Variants in CDH13 observed in about 807,000 individuals in gnomAD.
CDH13 encodes cadherin-13.
Under a neutral mutation model 63.8 loss-of-function variants are expected in CDH13, and 24 were observed. The observed-to-expected ratio is 0.38, with a 90% CI of 0.27 to 0.53. CDH13 has a LOEUF of 0.53. CDH13 is among the 20% of genes least tolerant of loss of function. The pLI, the probability that CDH13 is intolerant of heterozygous loss-of-function variation, is 0.85. For synonymous variants in CDH13, 503 were observed against 355.3 expected (o/e 1.42, Z -4.67); for missense variants, 1,049 against 903.1 (o/e 1.16, Z -2.07).
chr16:82,970,361 C>G lies in CDH13; in HGVS notation c.158-61649C>G, dbSNP rs375794580. The stretch of plus-strand genomic sequence containing the variant: ...CATTTGGGTTGGTTTCAAGTCTTTG[C>G]TATTGTGAACAGTGCATATTCTTTT... On this transcript the variant is annotated intron_variant, in intron 2 of 13. Coordinates refer to ENST00000567109, the MANE Select transcript of CDH13 (RefSeq NM_001257.5). Among the ~76,000 whole-genome samples, 450 of 137,714 alleles carry G rather than the reference C, an allele frequency of 3.3e-3. 3 individuals carry two copies. In the Middle Eastern group the frequency reaches 0.039, roughly 12 times the overall value. 90.3% of individuals were successfully genotyped at this position (137,714 alleles called of 152,430 possible). A position where few individuals can be genotyped will look rare whatever the true frequency, so the allele number is the denominator to read the frequency against.
intron 3 of CDH13, among the ~76,000 whole-genome samples, chr16:83,041,932 AGCCAGTAAG>A (rs1917362956): frequency 1.3e-5 from 2 of 152,350 alleles, no homozygotes; most frequent in South Asian, 4.1e-4. Flanking sequence ...TAAGTGAAGT[AGCCAGTAAG>A]TTGCTATCAC....
intron 7 of CDH13, among the ~76,000 whole-genome samples, chr16:83,497,647 A>G (rs893116836): frequency 6.6e-6 from 1 of 151,768 alleles, no homozygotes; most frequent in Non-Finnish European, 1.5e-5. Context: ...TGTACCCTAA[A>G]ACTTTAATAA....
intron 5 of CDH13, among the ~76,000 whole-genome samples, chr16:83,227,776 C>A (rs1178522313): frequency 6.6e-6 from 1 of 152,160 alleles, no homozygotes; most frequent in East Asian, 1.9e-4. Flanking sequence ...CCACGCCAGG[C>A]AGTGCAGACT....
chr16:83,091,122 A>G (rs2033885420), intron 3 of CDH13, among the ~76,000 whole-genome samples: 1 of 152,224 alleles, frequency 6.6e-6, no homozygotes, highest in Admixed American at 6.5e-5. Flanking sequence ...TTGTAAACAT[A>G]AAACATTTCT....
intron 10 of CDH13, among the ~76,000 whole-genome samples, chr16:83,704,999 A>ATAAG (rs1318160347): frequency 6.6e-6 from 1 of 152,266 alleles, no homozygotes; most frequent in Non-Finnish European, 1.5e-5. Flanking sequence ...ACATCCAAGA[A>ATAAG]TAAGTTATCT....
intron 4 of CDH13, among the ~76,000 whole-genome samples, chr16:83,161,035 G>A (rs1190279405): frequency 6.6e-6 from 1 of 151,820 alleles, no homozygotes; most frequent in African/African-American, 2.4e-5. Flanking sequence ...CATTCTTATT[G>A]CATCTAGACT....
rs187681963 is a variant in CDH13 at position 83,751,706 on chromosome 16, A to G, written c.1681+3456A>G. Among the ~76,000 whole-genome samples the G allele has an allele frequency of 3.7e-4, 56 of 152,366 alleles. 1 individual carries two copies. Among genetic ancestry groups the G allele is most frequent in the Admixed American group, 3.3e-3 (51 of 15,310 alleles). ...CATAACATAAACGGACCAGAGGGGA[A>G]GAACCTAGATAACATCTGAAAGGAA... On this transcript the variant is annotated intron_variant, in intron 11 of 13. Coordinates refer to ENST00000567109, the MANE Select transcript of CDH13 (RefSeq NM_001257.5).
intron 6 of CDH13, among the ~76,000 whole-genome samples, chr16:83,362,233 G>A (rs992649164): frequency 4.6e-5 from 7 of 152,212 alleles, no homozygotes; most frequent in South Asian, 2.1e-4. Context: ...AAATTTCCAC[G>A]CACATCCACA....
chr16:83,516,039 C>T lies in CDH13; in HGVS notation c.960+29384C>T, dbSNP rs544019342. On this transcript the variant is annotated intron_variant, in intron 7 of 13. Coordinates refer to ENST00000567109, the MANE Select transcript of CDH13 (RefSeq NM_001257.5). ...GAAAATCAATTCAAACATTGTTCCTCGTGATTTATTCAAAAATTCGCTTTT... is the reference window on the plus strand; with the variant it reads ...GAAAATCAATTCAAACATTGTTCCTTGTGATTTATTCAAAAATTCGCTTTT... Among the ~76,000 whole-genome samples, 15 of 152,220 alleles carry T rather than the reference C, an allele frequency of 9.9e-5. 1 individual carries two copies. Among genetic ancestry groups the T allele is most frequent in the African/African-American group, 3.4e-4 (14 of 41,540 alleles).
At chr16:82,951,229 G>C (rs750073749) in intron 2 of CDH13, among the ~76,000 whole-genome samples, 3 of 152,080 alleles carry the variant, frequency 2.0e-5, no homozygotes, top group African/African-American at 7.2e-5. Flanking sequence ...CTGGCAAGAG[G>C]ATATCTCCTT....
At chr16:83,183,516 T>C (rs1219307578) in intron 4 of CDH13, among the ~76,000 whole-genome samples, 1 of 152,218 alleles carries the variant, frequency 6.6e-6, no homozygotes, top group African/African-American at 2.4e-5. Flanking sequence ...TCCCATAATA[T>C]CACCATAGCC....
chr16:83,334,451 A>T (rs913394943), intron 5 of CDH13, among the ~76,000 whole-genome samples: 2 of 150,392 alleles, frequency 1.3e-5, no homozygotes, highest in African/African-American at 2.5e-5. Flanking sequence ...AGCTCCCTGC[A>T]GCTTCAACCT....
At chr16:82,973,157 A>C (rs1909011794) in intron 2 of CDH13, among the ~76,000 whole-genome samples, 1 of 152,004 alleles carries the variant, frequency 6.6e-6, no homozygotes, top group Admixed American at 6.5e-5. Flanking sequence ...TCTTTCCCCA[A>C]CTTGGGGTTT....
At chr16:83,009,002 A>T (rs530944316) in intron 2 of CDH13, among the ~76,000 whole-genome samples, 1 of 152,150 alleles carries the variant, frequency 6.6e-6, no homozygotes, top group East Asian at 1.9e-4. Context: ...AAACCATCAG[A>T]TCTCGTGAGA....
At chr16:82,669,988 A>C (rs1597273438) in intron 1 of CDH13, among the ~76,000 whole-genome samples, 1 of 152,200 alleles carries the variant, frequency 6.6e-6, no homozygotes, top group African/African-American at 2.4e-5. Flanking sequence ...AGAAACCATT[A>C]TGCAGTTTTT....
intron 1 of CDH13, among the ~76,000 whole-genome samples, chr16:82,639,139 C>A (rs749458773): frequency 6.6e-6 from 1 of 151,984 alleles, no homozygotes; most frequent in Admixed American, 6.6e-5. Context: ...GCCTTTCCCA[C>A]TCCCCTCATT....
At chr16:83,605,377 G>A (rs8055119) in intron 8 of CDH13, among the ~76,000 whole-genome samples, 20,165 of 152,174 alleles carry the variant, frequency 0.13, 2,786 homozygotes, top group African/African-American at 0.35. Flanking sequence ...CTTTGTTGAA[G>A]GGGATTCATA....
intron 6 of CDH13, among the ~76,000 whole-genome samples, chr16:83,439,176 T>C (rs34587318): frequency 0.17 from 26,319 of 152,180 alleles, 2,642 homozygotes; most frequent in Non-Finnish European, 0.24. Flanking sequence ...AATACCTATA[T>C]TCTAATGTTT....
chr16:83,371,875 G>T (rs2091373605), intron 6 of CDH13, among the ~76,000 whole-genome samples: 1 of 152,118 alleles, frequency 6.6e-6, no homozygotes, highest in Non-Finnish European at 1.5e-5. Flanking sequence ...TTAGAGCAAT[G>T]TATTTAAAGG....
Sources: gnomAD v4.1 joint callset for allele counts (sites outside exome capture counted in the v4.1 genomes callset) on GRCh38, gnomAD v4.1.1 for gene constraint, MANE v1.5 for transcripts, NCBI Gene and HGNC (gene_info 2026-07-23, HGNC 2026-07-21) for gene names.